OPRM1: variants seen among roughly 807,000 people sequenced by gnomAD.
OPRM1 encodes the protein mu-type opioid receptor.
In OPRM1, 27 loss-of-function variants were observed where a neutral mutation model predicts 31.8. The ratio of observed to expected loss-of-function variants is 0.85; its 90% CI spans 0.63 to 1.17. The LOEUF (loss-of-function observed/expected upper bound fraction) is 1.17, where lower values mean the gene tolerates loss of function less well. OPRM1 is among the 50% of genes most tolerant of loss of function. The pLI is 0.00. For synonymous variants in OPRM1, 196 were observed against 189.9 expected (o/e 1.03, Z -0.26); for missense variants, 536 against 511.1 (o/e 1.05, Z -0.47).
At chr6:154,220,585 T>C (rs185585891) in intron 3 of OPRM1, among the ~76,000 whole-genome samples, 8 of 152,158 alleles carry the variant, frequency 5.3e-5, no homozygotes, top group African/African-American at 4.8e-5. Flanking sequence ...GAGGTTGCAG[T>C]GAGCCGAGAT....
intron 1 of OPRM1, among the ~76,000 whole-genome samples, chr6:154,030,619 AT>A (rs59379871): frequency 0.029 from 4,382 of 152,202 alleles, 201 homozygotes; most frequent in African/African-American, 0.1. Flanking sequence ...TACAAAAAAA[AT>A]TTTTTTGTAT....
At position 154,126,393 on chromosome 6, in the gene OPRM1, A is replaced by G. The variant is rs1368608939; in HGVS notation, c.*7672A>G. ...AATGGTTGTGATTTCACTGTCCAAG[A>G]GGACAAAGACAAAGAAATTCTGGGA... On this transcript the variant is annotated 3_prime_UTR_variant, in exon 4 of 4. Coordinates refer to ENST00000330432, the MANE Select transcript of OPRM1 (RefSeq NM_000914.5). 1.3e-5 allele frequency among the ~76,000 whole-genome samples: 2 copies of G among 152,240 alleles called. No individual in the cohort carries two copies. Among genetic ancestry groups the G allele is most frequent in the African/African-American group, 4.8e-5 (2 of 41,464 alleles).
intron 3 of OPRM1, among the ~76,000 whole-genome samples, chr6:154,200,508 G>T (rs1338638718): frequency 1.3e-5 from 2 of 152,154 alleles, no homozygotes; most frequent in African/African-American, 4.8e-5. Context: ...ATCACCTGAG[G>T]CCGGGAGTTT....
chr6:154,138,195 T>C (rs907425915), intron 3 of OPRM1, among the ~76,000 whole-genome samples: 1 of 152,054 alleles, frequency 6.6e-6, no homozygotes, highest in Non-Finnish European at 1.5e-5. Context: ...CTGCAAAGTC[T>C]CTCATAATTG....
At chr6:154,048,537 G>C (rs1781598107) in intron 1 of OPRM1, among the ~76,000 whole-genome samples, 1 of 152,130 alleles carries the variant, frequency 6.6e-6, no homozygotes, top group Non-Finnish European at 1.5e-5. Flanking sequence ...CTATCTCTTT[G>C]TGTTTAGGTG....
chr6:154,211,165 C>T (rs1484780317), intron 3 of OPRM1, among the ~76,000 whole-genome samples: 1 of 152,050 alleles, frequency 6.6e-6, no homozygotes, highest in African/African-American at 2.4e-5. Context: ...GCTTGTAATC[C>T]CAGCACTTTG....
chr6:154,099,659 G>GTATATACATATATACATATA (rs141279542), intron 3 of OPRM1, among the ~76,000 whole-genome samples: 98,376 of 143,712 alleles, frequency 0.68, 34,110 homozygotes, highest in East Asian at 0.88. Flanking sequence ...ATACACACAT[G>GTATATACATATATACATATA]TATATACATA....
intron 3 of OPRM1, among the ~76,000 whole-genome samples, chr6:154,192,957 T>A (rs1439985220): frequency 6.6e-6 from 1 of 152,160 alleles, no homozygotes; most frequent in Non-Finnish European, 1.5e-5. Flanking sequence ...GAAAACAGTG[T>A]GGCGATTCCT....
intron 3 of OPRM1, among the ~76,000 whole-genome samples, chr6:154,209,670 A>AT (rs1777805271): frequency 6.6e-6 from 1 of 151,508 alleles, no homozygotes; most frequent in Non-Finnish European, 1.5e-5. Context: ...AAGTTACTAT[A>AT]TATTTTTTTT....
At chr6:154,241,771 G>A (rs1003173888) in intron 3 of OPRM1, among the ~76,000 whole-genome samples, 2 of 151,936 alleles carry the variant, frequency 1.3e-5, no homozygotes, top group Non-Finnish European at 1.5e-5. Flanking sequence ...CATATTTTTC[G>A]CATGCCAATT....
chr6:154,232,049 G>GT (rs1269136068), intron 3 of OPRM1, among the ~76,000 whole-genome samples: 3 of 152,066 alleles, frequency 2.0e-5, no homozygotes, highest in African/African-American at 4.8e-5. Context: ...GTCTTGGTAG[G>GT]TTTTTTTCCT....
chr6:154,074,311 C>T (rs560827382), intron 1 of OPRM1: 2 of 152,288 alleles, frequency 1.3e-5, no homozygotes, highest in South Asian at 2.1e-4. Flanking sequence ...GCACTCTGAA[C>T]AGTATCTGAC....
At chr6:154,067,988 AC>A (rs1229958148) in intron 1 of OPRM1, among the ~76,000 whole-genome samples, 1 of 151,970 alleles carries the variant, frequency 6.6e-6, no homozygotes, top group African/African-American at 2.4e-5. Context: ...CTTTACTGAG[AC>A]CTTTATTTCT....
chr6:154,144,748 C>CAAAAAAAAAAAAAAAAAAAAAAAAAAA (rs58367883), intron 3 of OPRM1, among the ~76,000 whole-genome samples: 1 of 70,504 alleles, frequency 1.4e-5, no homozygotes, highest in Non-Finnish European at 2.7e-5. Context: ...GACTCTGTCT[C>CAAAAAAAAAAAAAAAAAAAAAAAAAAA]AAAAAAAAAA....
chr6:154,178,428 G>C (rs1800543641), intron 3 of OPRM1, among the ~76,000 whole-genome samples: 1 of 151,980 alleles, frequency 6.6e-6, no homozygotes, highest in African/African-American at 2.4e-5. Flanking sequence ...CTTTCTTTTT[G>C]ATAGCTTTAT....
chr6:154,053,956 ACT>A (rs549847443), intron 1 of OPRM1, among the ~76,000 whole-genome samples: 100 of 152,216 alleles, frequency 6.6e-4, no homozygotes, highest in Non-Finnish European at 1.2e-3. Context: ...CTTCCAATTA[ACT>A]CATGGAACAT....
At chr6:154,162,644 C>T (rs988033974) in intron 3 of OPRM1, among the ~76,000 whole-genome samples, 5 of 152,204 alleles carry the variant, frequency 3.3e-5, no homozygotes, top group Non-Finnish European at 7.3e-5. Context: ...CTCCTTGTCA[C>T]GCCACCTCTT....
At chr6:154,144,222 G>A (rs887611442) in intron 3 of OPRM1, among the ~76,000 whole-genome samples, 6 of 152,094 alleles carry the variant, frequency 3.9e-5, no homozygotes, top group Non-Finnish European at 8.8e-5. Flanking sequence ...TAATTTCACT[G>A]AAGACTTCTA....
downstream of OPRM1, among the ~76,000 whole-genome samples, chr6:154,132,745 T>C (rs1257758324): frequency 6.6e-6 from 1 of 152,158 alleles, no homozygotes; most frequent in Non-Finnish European, 1.5e-5. Flanking sequence ...AAGAGTTTGA[T>C]AAGGTGAAAT....
Sources: allele counts gnomAD v4.1 joint callset (sites outside exome capture counted in the v4.1 genomes callset), GRCh38; gene constraint gnomAD v4.1.1; transcripts MANE v1.5; gene names NCBI Gene and HGNC (gene_info 2026-07-23, HGNC 2026-07-21).